KLHL1: variants seen among roughly 807,000 people sequenced by gnomAD.
The protein encoded by KLHL1 is kelch-like protein 1.
Under a neutral mutation model 77.7 loss-of-function variants are expected in KLHL1, and 47 were observed. That is an observed-to-expected ratio of 0.60 (90% CI 0.48 to 0.77). The LOEUF (loss-of-function observed/expected upper bound fraction) is 0.77. KLHL1 is among the 30% of genes least tolerant of loss of function. The pLI is 0.00. For synonymous variants in KLHL1, 360 were observed against 325.2 expected, an observed-to-expected ratio of 1.11 and a Z score of -1.15; for missense variants, 925 against 910.8, an observed-to-expected ratio of 1.02 and a Z score of -0.20.
At chr13:69,996,035 T>G (rs1448708851) in intron 1 of KLHL1, among the ~76,000 whole-genome samples, 1 of 152,174 alleles carries the variant, frequency 6.6e-6, no homozygotes, top group Non-Finnish European at 1.5e-5. Context: ...CCTGACGTGG[T>G]AGCTCACGCC....
intron 4 of KLHL1, among the ~76,000 whole-genome samples, chr13:69,920,432 T>C (rs971658311): frequency 2.0e-5 from 3 of 152,126 alleles, no homozygotes; most frequent in Admixed American, 2.0e-4. Flanking sequence ...TAAAATGATA[T>C]TCTGAAATTA....
At chr13:70,023,641 C>T (rs1441456843) in intron 1 of KLHL1, among the ~76,000 whole-genome samples, 1 of 151,868 alleles carries the variant, frequency 6.6e-6, no homozygotes, top group Non-Finnish European at 1.5e-5. Flanking sequence ...TTACATCCTT[C>T]AAACTTTCCT....
intron 1 of KLHL1, among the ~76,000 whole-genome samples, chr13:70,063,117 T>C (rs1886929840): frequency 6.6e-6 from 1 of 152,150 alleles, no homozygotes; most frequent in African/African-American, 2.4e-5. Context: ...CCAGCTTTAA[T>C]TCCACAGTGG....
chr13:70,024,622 C>CTCTCTCTCTCTTTCTCTCTT (rs1566508802), intron 1 of KLHL1, among the ~76,000 whole-genome samples: 19 of 38,134 alleles, frequency 5.0e-4, no homozygotes, highest in African/African-American at 2.1e-3. Flanking sequence ...GAAAAGATTT[C>CTCTCTCTCTCTTTCTCTCTT]TCTCTCTCTC....
At chr13:69,831,722 C>T (rs1447341460) in intron 6 of KLHL1, among the ~76,000 whole-genome samples, 1 of 149,874 alleles carries the variant, frequency 6.7e-6, no homozygotes. Context: ...TAAATAAATC[C>T]AACACCATAT....
At chr13:70,017,270 A>T (rs1822132519) in intron 1 of KLHL1, among the ~76,000 whole-genome samples, 1 of 152,164 alleles carries the variant, frequency 6.6e-6, no homozygotes, top group Admixed American at 6.5e-5. Flanking sequence ...GGGAAGCCCA[A>T]ATATAGGGGC....
chr13:69,843,332 G>C lies in KLHL1; in HGVS notation c.1228-4170C>G, dbSNP rs1879338561. Among the ~76,000 whole-genome samples the C allele has an allele frequency of 2.0e-5, 3 of 151,542 alleles. No homozygotes were observed. In the South Asian group the frequency reaches 6.2e-4, roughly 31 times the overall value. ...TTTTCATGTTTCTTCTTGCAAAATT[G>C]TAACAGAATAAAAAAGTGAATGCAA... On this transcript the variant is annotated intron_variant, in intron 5 of 10. Transcript: ENST00000377844.
At chr13:69,816,621 C>A (rs867208160) in intron 6 of KLHL1, among the ~76,000 whole-genome samples, 1 of 151,992 alleles carries the variant, frequency 6.6e-6, no homozygotes, top group Admixed American at 6.6e-5. Flanking sequence ...TATTTCTTAG[C>A]GCTATAATTA....
At chr13:70,006,323 A>T (rs1885403677) in intron 1 of KLHL1, among the ~76,000 whole-genome samples, 1 of 151,928 alleles carries the variant, frequency 6.6e-6, no homozygotes, top group Non-Finnish European at 1.5e-5. Context: ...ACCCCACTTG[A>T]TCAAGGTGAA....
intron 8 of KLHL1, among the ~76,000 whole-genome samples, chr13:69,721,089 A>ATATATATATACAAATT (rs1256189383): frequency 1.0e-4 from 8 of 77,980 alleles, no homozygotes; most frequent in Non-Finnish European, 1.7e-4. Flanking sequence ...AAAGCTATGT[A>ATATATATATACAAATT]CCTCCCTTAC....
At chr13:70,012,913 T>A (rs888867876) in intron 1 of KLHL1, among the ~76,000 whole-genome samples, 1 of 151,272 alleles carries the variant, frequency 6.6e-6, no homozygotes, top group African/African-American at 2.4e-5. Context: ...AAAAAAATAA[T>A]AATAATAAAT....
At chr13:69,720,644 A>G (rs949544162) in intron 8 of KLHL1, among the ~76,000 whole-genome samples, 1 of 152,024 alleles carries the variant, frequency 6.6e-6, no homozygotes, top group African/African-American at 2.4e-5. Context: ...AAGTAACCAG[A>G]AAAGGTCTCA....
At chr13:70,033,440 C>G (rs1593690680) in intron 1 of KLHL1, among the ~76,000 whole-genome samples, 1 of 151,988 alleles carries the variant, frequency 6.6e-6, no homozygotes, top group Admixed American at 6.6e-5. Flanking sequence ...CAGGTGCCCA[C>G]CACCACGCCT....
At chr13:69,737,965 C>T (rs1244231454) in intron 8 of KLHL1, among the ~76,000 whole-genome samples, 1 of 152,170 alleles carries the variant, frequency 6.6e-6, no homozygotes, top group Non-Finnish European at 1.5e-5. Context: ...AGTCTCCAGA[C>T]ACTTTGTACA....
At chr13:69,911,944 G>T (rs1300836716) in intron 4 of KLHL1, among the ~76,000 whole-genome samples, 2 of 152,132 alleles carry the variant, frequency 1.3e-5, no homozygotes, top group Non-Finnish European at 2.9e-5. Flanking sequence ...ACGAAGAGTG[G>T]TCCCTAAAAC....
At chr13:69,952,755 A>G (rs749340959) in intron 3 of KLHL1, among the ~76,000 whole-genome samples, 13 of 151,458 alleles carry the variant, frequency 8.6e-5, no homozygotes, top group Middle Eastern at 3.4e-3. Flanking sequence ...TGTTCCCATT[A>G]TAAGTGTCCT....
chr13:69,857,725 G>A (rs1453809405), intron 5 of KLHL1, among the ~76,000 whole-genome samples: 1 of 151,850 alleles, frequency 6.6e-6, no homozygotes, highest in African/African-American at 2.4e-5. Context: ...AACTAACTAT[G>A]CAGTAGAAAA....
At chr13:69,782,376 G>A (rs12859720) in intron 7 of KLHL1, among the ~76,000 whole-genome samples, 1,697 of 152,324 alleles carry the variant, frequency 0.011, 18 homozygotes, top group Non-Finnish European at 0.019. Flanking sequence ...TGCCTCACTC[G>A]GGAAGCGCAA....
At chr13:69,715,589 C>T (rs986901413) in intron 9 of KLHL1, among the ~76,000 whole-genome samples, 7 of 151,494 alleles carry the variant, frequency 4.6e-5, no homozygotes, top group Non-Finnish European at 7.4e-5. Flanking sequence ...GGCGCGATCT[C>T]GGCTCACTCT....
Sources: gnomAD v4.1 joint callset for allele counts (sites outside exome capture counted in the v4.1 genomes callset) on GRCh38, gnomAD v4.1.1 for gene constraint, MANE v1.5 for transcripts, NCBI Gene and HGNC (gene_info 2026-07-23, HGNC 2026-07-21) for gene names.